CEP83: variants seen among roughly 807,000 people sequenced by gnomAD.
CEP83 encodes the protein centrosomal protein 83.
Under a neutral mutation model 101.9 loss-of-function variants are expected in CEP83, and 70 were observed. The observed-to-expected ratio is 0.69, with a 90% CI of 0.57 to 0.84. CEP83 has a LOEUF of 0.84. Ranked by LOEUF, CEP83 falls within the 40% of genes least tolerant of loss-of-function variation. The pLI, the probability that CEP83 is intolerant of heterozygous loss-of-function variation, is 0.00. For missense variants in CEP83, 715 were observed against 787.2 expected (o/e 0.91, Z 1.10); for synonymous variants, 264 against 267.9 (o/e 0.99, Z 0.14).
chr12:94,309,563 A>T (rs1969515179), intron 16 of CEP83, among the ~76,000 whole-genome samples: 1 of 152,194 alleles, frequency 6.6e-6, no homozygotes, highest in African/African-American at 2.4e-5. Flanking sequence ...TGCACGGAAC[A>T]TGCACAGTTC....
At chr12:94,273,166 C>T in the CEP83 span, among the ~76,000 whole-genome samples, 8 of 152,336 alleles carry the variant, frequency 5.3e-5, no homozygotes, top group East Asian at 1.9e-4. Flanking sequence ...ATTCCCAGTA[C>T]GTGATAAGCA....
At chr12:94,320,570 C>T (rs1483905194) in intron 14 of CEP83, among the ~76,000 whole-genome samples, 2 of 151,878 alleles carry the variant, frequency 1.3e-5, no homozygotes, top group African/African-American at 4.8e-5. Flanking sequence ...TGAGATGGGT[C>T]TCCATTTAAC....
intron 8 of CEP83, among the ~76,000 whole-genome samples, chr12:94,373,203 G>A (rs998147899): frequency 1.3e-5 from 2 of 152,058 alleles, no homozygotes; most frequent in African/African-American, 4.8e-5. Flanking sequence ...AAGCTCCACT[G>A]GACCAAGTCA....
intron 2 of CEP83, among the ~76,000 whole-genome samples, chr12:94,421,622 T>C (rs1255258111): frequency 1.3e-5 from 2 of 152,222 alleles, no homozygotes; most frequent in African/African-American, 4.8e-5. Context: ...ACAAATATTA[T>C]CTCCATGCAT....
the CEP83 span, chr12:94,279,427 T>C: frequency 1.9e-6 from 3 of 1,550,892 alleles, no homozygotes; most frequent in Admixed American, 3.7e-5. Flanking sequence ...GCCTTTCAGA[T>C]TGCAATTATC....
chr12:94,372,669 C>T (rs2061357336), intron 8 of CEP83, among the ~76,000 whole-genome samples: 1 of 152,158 alleles, frequency 6.6e-6, no homozygotes, highest in Admixed American at 6.5e-5. Context: ...TCATTTCACC[C>T]TGAAATTTAC....
intron 8 of CEP83, among the ~76,000 whole-genome samples, chr12:94,372,690 C>T (rs563521409): frequency 1.4e-4 from 22 of 152,210 alleles, no homozygotes; most frequent in South Asian, 6.2e-4. Context: ...TGAAATGAGA[C>T]GACATTTTTA....
chr12:94,449,475 G>C (rs747428916), intron 1 of CEP83, among the ~76,000 whole-genome samples: 1 of 151,904 alleles, frequency 6.6e-6, no homozygotes, highest in Non-Finnish European at 1.5e-5. Flanking sequence ...ATACAGCACG[G>C]ACTGGGCATG....
intron 2 of CEP83, among the ~76,000 whole-genome samples, chr12:94,416,574 A>ACACACAC (rs60134327): frequency 3.1e-4 from 36 of 116,770 alleles, no homozygotes; most frequent in Admixed American, 2.4e-3. Flanking sequence ...ACACACACAC[A>ACACACAC]AAAAAAAAAA....
intron 14 of CEP83, among the ~76,000 whole-genome samples, chr12:94,320,118 G>T (rs1022180898): frequency 2.6e-5 from 4 of 151,924 alleles, no homozygotes; most frequent in Non-Finnish European, 5.9e-5. Flanking sequence ...TGTCTTTTTT[G>T]ATTTTTGTTG....
chr12:94,267,286 A>G, the CEP83 span, among the ~76,000 whole-genome samples: 1 of 152,234 alleles, frequency 6.6e-6, no homozygotes, highest in African/African-American at 2.4e-5. Context: ...TGTCTGAGGC[A>G]ACTTTTGAGG....
intron 1 of CEP83, among the ~76,000 whole-genome samples, chr12:94,452,364 A>G (rs2067321252): frequency 6.6e-6 from 1 of 152,154 alleles, no homozygotes; most frequent in African/African-American, 2.4e-5. Context: ...AGCTGTTTAA[A>G]AAGGGCTAGG....
At chr12:94,275,854 C>CA in the CEP83 span, among the ~76,000 whole-genome samples, 655 of 23,026 alleles carry the variant, frequency 0.028, 87 homozygotes, top group African/African-American at 0.062. Context: ...GACTCCGTCT[C>CA]AAAAAAAAAA....
chr12:94,305,285 A>G, downstream of CEP83: 1 of 1,593,180 alleles, frequency 6.3e-7, no homozygotes, highest in East Asian at 2.3e-5. Flanking sequence ...AGTGGATGTA[A>G]GCACTCTGGG....
At chr12:94,304,671 A>G (rs1179701837), downstream of CEP83, among the ~76,000 whole-genome samples, 1 of 152,108 alleles carries the variant, frequency 6.6e-6, no homozygotes, top group Admixed American at 6.5e-5. Context: ...CTACTTGAAG[A>G]TGAAGTGAAG....
chr12:94,451,486 A>AAAAAAAAAAAAAAAAAAAC (rs2067249275), intron 1 of CEP83, among the ~76,000 whole-genome samples: 1 of 140,416 alleles, frequency 7.1e-6, no homozygotes, highest in African/African-American at 2.6e-5. Context: ...AAAAAAAAAA[A>AAAAAAAAAAAAAAAAAAAC]CCCAGCTAAA....
At chr12:94,377,504 C>T (rs1469763288) in intron 7 of CEP83, among the ~76,000 whole-genome samples, 10 of 152,060 alleles carry the variant, frequency 6.6e-5, no homozygotes, top group Non-Finnish European at 1.2e-4. Context: ...GGACTATATT[C>T]GACAAACAAT....
At chr12:94,386,096 T>A (rs969521772) in intron 6 of CEP83, among the ~76,000 whole-genome samples, 1 of 152,202 alleles carries the variant, frequency 6.6e-6, no homozygotes, top group Non-Finnish European at 1.5e-5. Context: ...TCTCAGAACA[T>A]ATCCCTGTCA....
intron 1 of CEP83, among the ~76,000 whole-genome samples, chr12:94,454,558 G>A (rs574252834): frequency 2.6e-5 from 4 of 152,334 alleles, no homozygotes; most frequent in African/African-American, 9.6e-5. Context: ...GCAGGATGTG[G>A]GTGGGGCCAA....
Sources: allele counts gnomAD v4.1 joint callset (sites outside exome capture counted in the v4.1 genomes callset), GRCh38; gene constraint gnomAD v4.1.1; transcripts MANE v1.5; gene names NCBI Gene and HGNC (gene_info 2026-07-23, HGNC 2026-07-21).